The following CEP83 variants were observed in gnomAD, a reference collection of about 807,000 sequenced individuals.
CEP83 encodes the protein centrosomal protein of 83 kDa.
A neutral mutation model predicts 101.9 loss-of-function variants in CEP83; 70 were observed. The observed-to-expected ratio is 0.69, with a 90% CI of 0.57 to 0.84. The LOEUF (loss-of-function observed/expected upper bound fraction) is 0.84, where lower values mean the gene tolerates loss of function less well. Ranked by LOEUF, CEP83 falls within the 40% of genes least tolerant of loss-of-function variation. The pLI is 0.00. For synonymous variants in CEP83, 264 were observed against 267.9 expected, an observed-to-expected ratio of 0.99 and a Z score of 0.14; for missense variants, 715 against 787.2, an observed-to-expected ratio of 0.91 and a Z score of 1.10.
chr12:94,307,599 A>G (rs1354296779), downstream of CEP83: 2 of 152,000 alleles, frequency 1.3e-5, no homozygotes, highest in Admixed American at 1.3e-4. Context: ...CTTATTGTAT[A>G]CCTGATTGAA....
At chr12:94,305,861 C>T (rs1243802645), downstream of CEP83, 1 of 152,154 alleles carries the variant, frequency 6.6e-6, no homozygotes, top group Non-Finnish European at 1.5e-5. Context: ...CAAAAACTAA[C>T]AGTGTTGCAA....
intron 11 of CEP83, among the ~76,000 whole-genome samples, chr12:94,360,733 C>A (rs1384458102): frequency 6.6e-6 from 1 of 151,572 alleles, no homozygotes; most frequent in Non-Finnish European, 1.5e-5. Context: ...AATTTCTTCA[C>A]AGAAATTGAA....
rs544882414 is a variant in CEP83, at chr12:94,410,632, C to T, written c.324+1065G>A. ...TAAATTTGCAATACCTGAAGAATCT[C>T]TCAAATATCTTGGGTTCAGCATTCA... On this transcript the variant is annotated intron_variant, in intron 4 of 16. Transcript: ENST00000397809. Among the ~76,000 whole-genome samples, 17 of 152,300 alleles carry T rather than the reference C, an allele frequency of 1.1e-4. No individual in the cohort carries two copies. The South Asian group carries it at 2.3e-3, about 20-fold the overall frequency.
chr12:94,273,282 A>T, the CEP83 span, among the ~76,000 whole-genome samples: 1 of 152,106 alleles, frequency 6.6e-6, no homozygotes, highest in Admixed American at 6.6e-5. Context: ...AGGTGGCAGG[A>T]GGTGGTTTTG....
chr12:94,316,888 T>C (rs369791079), intron 14 of CEP83, among the ~76,000 whole-genome samples: 14 of 152,164 alleles, frequency 9.2e-5, no homozygotes, highest in African/African-American at 3.4e-4. Context: ...AATGAACATA[T>C]GCATGTGTCT....
At chr12:94,429,583 T>C (rs145054441) in intron 2 of CEP83, among the ~76,000 whole-genome samples, 2,438 of 152,276 alleles carry the variant, frequency 0.016, 33 homozygotes, top group Middle Eastern at 0.027. Flanking sequence ...CCATGCCTGG[T>C]TCCTGATGCT....
In CEP83 at chr12:94,376,690, T is replaced by TACACACACAC. The variant is rs533315599; in HGVS notation, c.802-683_802-674dup. Among the ~76,000 whole-genome samples the TACACACACAC allele has an allele frequency of 1.3e-3, 157 of 117,366 alleles. 1 individual carries two copies. The highest frequency in any genetic ancestry group is 2.2e-3 in the East Asian group (9 of 4,136). 77.0% of individuals were successfully genotyped at this position (117,366 alleles called of 152,430 possible). A position where few individuals can be genotyped will look rare whatever the true frequency, so the allele number is the denominator to read the frequency against. The stretch of plus-strand genomic sequence containing the variant: ...ATTCAACATAATATATATACATATA[T>TACACACACAC]ACACACACACACACACACACACACA... On this transcript the variant is annotated intron_variant, in intron 7 of 16. Transcript: ENST00000397809.
intron 2 of CEP83, chr12:94,424,179 C>G (rs75491620): frequency 6.2e-7 from 1 of 1,605,376 alleles, no homozygotes; most frequent in African/African-American, 1.3e-5. Flanking sequence ...TTATAAGGGG[C>G]TGGGTAAAAC....
At chr12:94,359,981 C>G (rs1021045246) in intron 11 of CEP83, among the ~76,000 whole-genome samples, 4 of 151,978 alleles carry the variant, frequency 2.6e-5, no homozygotes, top group Admixed American at 6.6e-5. Flanking sequence ...TCAATATATG[C>G]AAATCAATAA....
downstream of CEP83, chr12:94,305,253 T>C (rs745723171): frequency 1.2e-6 from 2 of 1,611,108 alleles, no homozygotes; most frequent in Non-Finnish European, 1.7e-6. Context: ...AAAAGTCTTA[T>C]TTGATGAAAA....
chr12:94,304,306 GACTCAAGT>G (rs1280680611), downstream of CEP83: 13 of 351,452 alleles, frequency 3.7e-5, no homozygotes, highest in Non-Finnish European at 6.7e-5. Flanking sequence ...CAGCCACCCT[GACTCAAGT>G]TAACTTTGAT....
the CEP83 span, chr12:94,272,169 C>T: frequency 1.3e-5 from 2 of 152,130 alleles, no homozygotes; most frequent in Non-Finnish European, 1.5e-5. Flanking sequence ...GCATCATTCC[C>T]AAATCAATCA....
At chr12:94,329,487 T>C (rs1310181867) in intron 14 of CEP83, among the ~76,000 whole-genome samples, 2 of 152,182 alleles carry the variant, frequency 1.3e-5, no homozygotes, top group Admixed American at 6.5e-5. Context: ...TTTAAAAATA[T>C]AACCTCCTCC....
intron 11 of CEP83, among the ~76,000 whole-genome samples, chr12:94,340,052 G>C (rs972296159): frequency 1.3e-5 from 2 of 152,050 alleles, no homozygotes; most frequent in African/African-American, 4.8e-5. Context: ...TTTTTGGTTT[G>C]TTTTTAAAAA....
intron 14 of CEP83, among the ~76,000 whole-genome samples, chr12:94,316,561 C>A (rs1483075769): frequency 6.8e-6 from 1 of 147,368 alleles, no homozygotes; most frequent in Admixed American, 6.9e-5. Context: ...TTTTTCTGAT[C>A]CTCTCCTTCC....
At chr12:94,431,665 G>A (rs2065635405) in intron 2 of CEP83, among the ~76,000 whole-genome samples, 1 of 149,874 alleles carries the variant, frequency 6.7e-6, no homozygotes, top group African/African-American at 2.4e-5. Context: ...ACATACAAAC[G>A]ACCAATGGGT....
chr12:94,437,996 C>T (rs961178382), intron 1 of CEP83, among the ~76,000 whole-genome samples: 1 of 152,092 alleles, frequency 6.6e-6, no homozygotes, highest in Non-Finnish European at 1.5e-5. Flanking sequence ...GTGGGCAGAT[C>T]ACCTGAGGTC....
At chr12:94,376,625 AG>A (rs1321077784) in intron 7 of CEP83, among the ~76,000 whole-genome samples, 1 of 150,686 alleles carries the variant, frequency 6.6e-6, no homozygotes, top group Non-Finnish European at 1.5e-5. Context: ...CTCTTTCATG[AG>A]GGGAGGGAAA....
chr12:94,408,648 T>C (rs1009919326), intron 4 of CEP83, among the ~76,000 whole-genome samples: 1 of 152,118 alleles, frequency 6.6e-6, no homozygotes, highest in Non-Finnish European at 1.5e-5. Context: ...GGTGTAACCA[T>C]GGCTCCCTGA....
Sources: gnomAD v4.1 joint callset for allele counts (sites outside exome capture counted in the v4.1 genomes callset) on GRCh38, gnomAD v4.1.1 for gene constraint, MANE v1.5 for transcripts, NCBI Gene and HGNC (gene_info 2026-07-23, HGNC 2026-07-21) for gene names.